The following ANKFN1 variants were observed in gnomAD, a reference collection of about 807,000 sequenced individuals.
The protein encoded by ANKFN1 is ankyrin repeat and fibronectin type-III domain-containing protein 1.
Under a neutral mutation model 108.7 loss-of-function variants are expected in ANKFN1, and 74 were observed. The observed-to-expected ratio is 0.68, with a 90% CI of 0.56 to 0.83. ANKFN1 has a LOEUF of 0.83. Ranked by LOEUF, ANKFN1 falls within the 40% of genes least tolerant of loss-of-function variation. The pLI is 0.00. For synonymous variants in ANKFN1, 547 were observed against 516.2 expected (o/e 1.06, Z -0.81); for missense variants, 1,505 against 1,382.3 (o/e 1.09, Z -1.41).
chr17:56,106,719 A>G (rs1165170654), intron 4 of ANKFN1, among the ~76,000 whole-genome samples: 2 of 152,164 alleles, frequency 1.3e-5, no homozygotes, highest in Non-Finnish European at 2.9e-5. Flanking sequence ...GCTTTTCCTC[A>G]AAAATCTCAT....
intron 17 of ANKFN1, 43 bp downstream of exon 17, chr17:56,480,861 T>C (rs747447813): frequency 1.9e-6 from 3 of 1,590,180 alleles, no homozygotes; most frequent in Non-Finnish European, 2.6e-6. Context: ...TTATGGCTCA[T>C]GGAAACTGCA....
At chr17:56,366,592 C>T (rs2046669433) in intron 6 of ANKFN1, among the ~76,000 whole-genome samples, 1 of 152,126 alleles carries the variant, frequency 6.6e-6, no homozygotes, top group African/African-American at 2.4e-5. Flanking sequence ...ATCCTTTATG[C>T]CATACTTTTA....
At chr17:56,202,379 A>T (rs1448392873) in intron 1 of ANKFN1, among the ~76,000 whole-genome samples, 1 of 152,158 alleles carries the variant, frequency 6.6e-6, no homozygotes, top group East Asian at 1.9e-4. Flanking sequence ...TTACCAGCAT[A>T]ATCTTCCTAA....
intron 6 of ANKFN1, among the ~76,000 whole-genome samples, chr17:56,365,480 A>G (rs1386045865): frequency 1.3e-5 from 2 of 152,216 alleles, no homozygotes; most frequent in Non-Finnish European, 2.9e-5. Context: ...TGTTGTTACA[A>G]TGCCAGTTTT....
chr17:56,167,274 CATAT>C lies in ANKFN1; in HGVS notation c.-71+13754_-71+13757del, dbSNP rs72093414. 1.9e-4 allele frequency among the ~76,000 whole-genome samples: 25 copies of C among 133,896 alleles called. No individual in the cohort carries two copies. In the South Asian group the frequency reaches 2.2e-3, roughly 12 times the overall value. The allele number at this position is 133,896 out of a possible 152,430, so 87.8% of individuals were successfully genotyped here. On this transcript the variant is annotated intron_variant, in intron 1 of 20. Coordinates refer to ENST00000682825, the MANE Select transcript of ANKFN1 (RefSeq NM_001370326.1). ...ATGTATGTGTGTGTATATATATATACATATATATATATACACACACATACATATA... is the reference window on the plus strand; with the variant it reads ...ATGTATGTGTGTGTATATATATATACATATATATACACACACATACATATA...
chr17:56,188,504 A>G (rs1195923609), intron 1 of ANKFN1, among the ~76,000 whole-genome samples: 1 of 147,248 alleles, frequency 6.8e-6, no homozygotes, highest in Non-Finnish European at 1.5e-5. Context: ...GTGTATGCAT[A>G]TGCATTTCTT....
chr17:56,323,981 T>A (rs1240775939), intron 3 of ANKFN1, among the ~76,000 whole-genome samples: 1 of 152,150 alleles, frequency 6.6e-6, no homozygotes, highest in East Asian at 1.9e-4. Flanking sequence ...TAGAAAAATA[T>A]CTCTGAGAGT....
chr17:56,113,269 TG>T (rs1471726614), intron 4 of ANKFN1, among the ~76,000 whole-genome samples: 2 of 152,166 alleles, frequency 1.3e-5, no homozygotes, highest in Non-Finnish European at 2.9e-5. Flanking sequence ...TTAGGATTTT[TG>T]GGTAATAAAC....
At chr17:56,475,413 A>G in intron 15 of ANKFN1, among the ~76,000 whole-genome samples, 1 of 152,190 alleles carries the variant, frequency 6.6e-6, no homozygotes, top group Non-Finnish European at 1.5e-5. Flanking sequence ...ACAATGTACA[A>G]TAACATCTGC....
chr17:56,289,488 C>T (rs895876826), intron 3 of ANKFN1, among the ~76,000 whole-genome samples: 7 of 152,178 alleles, frequency 4.6e-5, no homozygotes, highest in African/African-American at 7.2e-5. Context: ...TTCTCATTCA[C>T]GTCAGCAGGA....
At chr17:56,289,678 C>T (rs1375774362) in intron 3 of ANKFN1, among the ~76,000 whole-genome samples, 1 of 152,220 alleles carries the variant, frequency 6.6e-6, no homozygotes, top group African/African-American at 2.4e-5. Flanking sequence ...CTCCTCCCTT[C>T]GGGATTGCTT....
intron 20 of ANKFN1, among the ~76,000 whole-genome samples, chr17:56,509,231 T>C (rs904033260): frequency 2.6e-5 from 4 of 152,190 alleles, no homozygotes; most frequent in Non-Finnish European, 5.9e-5. Context: ...CAAATAAGAA[T>C]GTCATAAACA....
intron 8 of ANKFN1, among the ~76,000 whole-genome samples, chr17:56,399,719 A>G (rs1241433634): frequency 6.6e-6 from 1 of 151,826 alleles, no homozygotes; most frequent in Admixed American, 6.6e-5. Context: ...ATCAGTGAGA[A>G]CATATGATGT....
At position 56,457,931 on chromosome 17, in the gene ANKFN1, A is replaced by G. The variant is rs747464233; in HGVS notation, c.1509A>G (p.Thr503=). 3 of 1,614,126 alleles carry G rather than the reference A, an allele frequency of 1.9e-6. No homozygotes were observed. Among genetic ancestry groups the G allele is most frequent in the South Asian group, 1.1e-5 (1 of 91,064 alleles). ...TACCAATATCCTCATCCTCATCCAC[A>G]GTGCTGCAAACTCGGCAGAAGATGC... ...QSIPISSSSS[T]VLQTRQKMLA... is the part of the protein sequence containing the mutation. The change falls in exon 14 of 21, where the codon ACA becomes ACG. Residue 503 remains threonine (T), a synonymous_variant. Transcript: ENST00000682825.
At position 56,413,794 on chromosome 17, in the gene ANKFN1, A is replaced by T. The variant is rs181419703; in HGVS notation, c.911-26533A>T. Among the ~76,000 whole-genome samples, 10 of 151,704 alleles carry T rather than the reference A, an allele frequency of 6.6e-5. No individual in the cohort carries two copies. In the East Asian group the frequency reaches 1.9e-3, roughly 29 times the overall value. On this transcript the variant is annotated intron_variant, in intron 8 of 20. Coordinates refer to ENST00000682825, the MANE Select transcript of ANKFN1 (RefSeq NM_001370326.1). ...GAGTGCAGTGGTGCCATCTCAGCTC[A>T]CTGTAACCTCTGCCTCCCGGGTTCA...
At chr17:56,355,832 A>G (rs2046361596) in intron 6 of ANKFN1, among the ~76,000 whole-genome samples, 1 of 152,126 alleles carries the variant, frequency 6.6e-6, no homozygotes, top group African/African-American at 2.4e-5. Flanking sequence ...TTTGAAGTAT[A>G]CAATTCAGTG....
chr17:56,346,028 CA>C (rs2046090457), intron 4 of ANKFN1, among the ~76,000 whole-genome samples: 1 of 152,058 alleles, frequency 6.6e-6, no homozygotes, highest in Non-Finnish European at 1.5e-5. Context: ...TTGGGTTTCA[CA>C]TTTAAGTTTT....
intron 15 of ANKFN1, among the ~76,000 whole-genome samples, chr17:56,470,359 G>A (rs534307417): frequency 6.6e-6 from 1 of 152,156 alleles, no homozygotes; most frequent in African/African-American, 2.4e-5. Context: ...TTGAGGAATT[G>A]CCACACCATC....
chr17:56,110,792 T>C (rs955363992), intron 4 of ANKFN1, among the ~76,000 whole-genome samples: 1 of 152,236 alleles, frequency 6.6e-6, no homozygotes. Flanking sequence ...GAAAAAGTCC[T>C]AACCTAAAAT....
Sources: gnomAD v4.1 joint callset for allele counts (sites outside exome capture counted in the v4.1 genomes callset) on GRCh38, gnomAD v4.1.1 for gene constraint, MANE v1.5 for transcripts, NCBI Gene and HGNC (gene_info 2026-07-23, HGNC 2026-07-21) for gene names.